Variants in MAP2 observed in about 807,000 individuals in gnomAD.
The protein encoded by MAP2 is microtubule-associated protein 2.
MAP2 carries 14 observed loss-of-function variants against 137.6 expected under a neutral mutation model. The observed-to-expected ratio is 0.10, with a 90% CI of 0.07 to 0.16. The LOEUF is 0.16. MAP2 is among the 10% of genes least tolerant of loss of function. MAP2 has a pLI of 1.00. For missense variants in MAP2, 2,088 were observed against 2,191.5 expected (o/e 0.95, Z 0.94); for synonymous variants, 786 against 782.3 (o/e 1.00, Z -0.08).
rs1559570078 is a variant in MAP2 at position 209,692,668 on chromosome 2, A to G, written c.498A>G (p.Glu166=). 6.3e-6 allele frequency: 10 copies of G among 1,597,952 alleles called. No individual in the cohort carries two copies. Among genetic ancestry groups the G allele is most frequent in the Non-Finnish European group, 8.5e-6 (10 of 1,175,770 alleles). Reference sequence around the variant, plus strand: ...AGATGGAGTTCCACGATCAACAGGAATTGACTCCCTCTACAGCTGAGCCTT... The same window carrying G: ...AGATGGAGTTCCACGATCAACAGGAGTTGACTCCCTCTACAGCTGAGCCTT... The part of the protein sequence containing the change: ...ASKMEFHDQQ[E]LTPSTAEPSD... Residue 166 remains glutamate, a synonymous_variant, in exon 8 of 16, where the codon GAA becomes GAG. Transcript: ENST00000682079.
At chr2:209,473,986 T>TGCCTTAA (rs1706488166) in intron 1 of MAP2, among the ~76,000 whole-genome samples, 1 of 152,248 alleles carries the variant, frequency 6.6e-6, no homozygotes, top group East Asian at 1.9e-4. Flanking sequence ...TCTATTTCTG[T>TGCCTTAA]GTGGTTTCAC....
chr2:209,621,401 G>C (rs1224912891), intron 3 of MAP2, among the ~76,000 whole-genome samples: 2 of 151,004 alleles, frequency 1.3e-5, no homozygotes. Context: ...TGGGATTACA[G>C]GCATGCACCA....
intron 12 of MAP2, among the ~76,000 whole-genome samples, chr2:209,707,559 T>C (rs756592437): frequency 3.8e-4 from 57 of 151,400 alleles, no homozygotes; most frequent in Non-Finnish European, 7.2e-4. Context: ...TCCATTGTCA[T>C]TGAGGAGTTG....
intron 2 of MAP2, among the ~76,000 whole-genome samples, chr2:209,541,472 T>A (rs531055713): frequency 6.6e-6 from 1 of 151,258 alleles, no homozygotes; most frequent in African/African-American, 2.5e-5. Context: ...AAGATAACAA[T>A]GAAGTTTACC....
chr2:209,497,965 T>C lies in MAP2; in HGVS notation c.-221-9627T>C, dbSNP rs529113607. 7.2e-5 allele frequency among the ~76,000 whole-genome samples: 11 copies of C among 152,286 alleles called. No homozygotes were observed. In the South Asian group the frequency reaches 1.5e-3, roughly 20 times the overall value. Reference sequence around the variant, plus strand: ...TTCATGTCCTTCTCACATTGCAAAATACAGTCATGCTTTCCCAATGGTTCC... The same window carrying C: ...TTCATGTCCTTCTCACATTGCAAAACACAGTCATGCTTTCCCAATGGTTCC... On this transcript the variant is annotated intron_variant, in intron 1 of 15. Coordinates refer to ENST00000682079, the MANE Select transcript of MAP2 (RefSeq NM_001375505.1).
At chr2:209,588,184 T>G (rs903760949) in intron 3 of MAP2, among the ~76,000 whole-genome samples, 27 of 152,236 alleles carry the variant, frequency 1.8e-4, no homozygotes, top group African/African-American at 6.3e-4. Context: ...AAGCTGGAAT[T>G]GACTATTTGC....
intron 3 of MAP2, among the ~76,000 whole-genome samples, chr2:209,614,499 A>T (rs1026265692): frequency 6.6e-6 from 1 of 152,142 alleles, no homozygotes; most frequent in Non-Finnish European, 1.5e-5. Context: ...GAGAATTATC[A>T]TATTATGCAC....
chr2:209,537,167 G>A (rs144010393), intron 2 of MAP2, among the ~76,000 whole-genome samples: 275 of 152,146 alleles, frequency 1.8e-3, no homozygotes, highest in African/African-American at 6.4e-3. Flanking sequence ...AGCTCACTTT[G>A]TGTCTCTGTG....
intron 1 of MAP2, among the ~76,000 whole-genome samples, chr2:209,476,873 CAG>C (rs961089797): frequency 2.0e-5 from 3 of 152,096 alleles, no homozygotes; most frequent in Non-Finnish European, 4.4e-5. Context: ...AAAATAAAAA[CAG>C]ATTTTTTTAT....
intron 3 of MAP2, among the ~76,000 whole-genome samples, chr2:209,623,402 G>A (rs570440804): frequency 6.6e-6 from 1 of 152,098 alleles, no homozygotes; most frequent in Admixed American, 6.6e-5. Flanking sequence ...CATAGAATGT[G>A]TACTCACACA....
chr2:209,697,071 A>G lies in MAP2; in HGVS notation c.4522+20A>G, dbSNP rs762308364. The G allele has an allele frequency of 4.9e-5, 76 of 1,566,282 alleles. 3 individuals are homozygous for G. The Middle Eastern group carries it at 8.4e-3, about 173-fold the overall frequency. On this transcript the variant is annotated intron_variant, in intron 10 of 15. Transcript: ENST00000682079. ...CCACAGGTGACTGTTCAATTCTGCA[A>G]TGTGACTGGCAAACATAGACATGTA...
At chr2:209,464,090 T>C (rs1378869733) in intron 1 of MAP2, among the ~76,000 whole-genome samples, 2 of 152,160 alleles carry the variant, frequency 1.3e-5, no homozygotes, top group African/African-American at 4.8e-5. Flanking sequence ...GTATTATTTT[T>C]CTTCATGAAC....
chr2:209,724,718 A>G (rs987063908), intron 13 of MAP2, among the ~76,000 whole-genome samples: 1 of 152,212 alleles, frequency 6.6e-6, no homozygotes. Context: ...GGCCCCCTTC[A>G]GGTATGCTAG....
At chr2:209,723,453 A>G (rs1160873137) in intron 13 of MAP2, 2 of 627,528 alleles carry the variant, frequency 3.2e-6, no homozygotes, top group African/African-American at 1.8e-5. Flanking sequence ...ACAGTTCTTC[A>G]GTTCCAGTGT....
rs1697081983 is a variant in MAP2 at position 209,439,015 on chromosome 2, C to T, written c.-222+14739C>T. The stretch of plus-strand genomic sequence containing the variant: ...TAAAAATAACATACTGATTTTTATT[C>T]GGTTGCCATTTAACTGCATAAAAAT... On this transcript the variant is annotated intron_variant, in intron 1 of 15. Coordinates refer to ENST00000682079, the MANE Select transcript of MAP2 (RefSeq NM_001375505.1). Among the ~76,000 whole-genome samples the T allele has an allele frequency of 2.6e-5, 4 of 151,378 alleles. No individual in the cohort carries two copies. The South Asian group carries it at 8.3e-4, about 31-fold the overall frequency.
At position 209,565,285 on chromosome 2, in the gene MAP2, A is replaced by G. The variant is rs577198777; in HGVS notation, c.-171-14751A>G. Reference sequence around the variant, plus strand: ...CAGGCTGGAGTGCAGTGACATGATTATGGCTTACTGTAGCCTCAACCTTTT... The same window carrying G: ...CAGGCTGGAGTGCAGTGACATGATTGTGGCTTACTGTAGCCTCAACCTTTT... On this transcript the variant is annotated intron_variant, in intron 2 of 15. Coordinates refer to ENST00000682079, the MANE Select transcript of MAP2 (RefSeq NM_001375505.1). Among the ~76,000 whole-genome samples, 4 of 152,142 alleles carry G rather than the reference A, an allele frequency of 2.6e-5. No homozygotes were observed. In the East Asian group the frequency reaches 5.8e-4, roughly 22 times the overall value.
intron 3 of MAP2, among the ~76,000 whole-genome samples, chr2:209,613,885 A>G (rs905285147): frequency 3.3e-5 from 5 of 152,288 alleles, no homozygotes; most frequent in Non-Finnish European, 7.4e-5. Flanking sequence ...CAGCCCTCAC[A>G]TTCCTTTGGA....
At chr2:209,591,303 C>G (rs1035731717) in intron 3 of MAP2, among the ~76,000 whole-genome samples, 1 of 152,188 alleles carries the variant, frequency 6.6e-6, no homozygotes, top group Non-Finnish European at 1.5e-5. Context: ...CTACTGACAT[C>G]TAATGATTAG....
intron 3 of MAP2, among the ~76,000 whole-genome samples, chr2:209,596,498 A>G (rs1254800807): frequency 6.6e-6 from 1 of 152,234 alleles, no homozygotes; most frequent in African/African-American, 2.4e-5. Flanking sequence ...TAATGGATCT[A>G]GTGACATGAC....
Sources: allele counts gnomAD v4.1 joint callset (sites outside exome capture counted in the v4.1 genomes callset), GRCh38; gene constraint gnomAD v4.1.1; transcripts MANE v1.5; gene names NCBI Gene and HGNC (gene_info 2026-07-23, HGNC 2026-07-21).